Variants in SHC1 observed in about 807,000 individuals in gnomAD.
SHC1 encodes SHC adaptor protein 1, also known as SHC-transforming protein 1.
SHC1 carries 30 observed loss-of-function variants against 55.9 expected under a neutral mutation model. The observed-to-expected ratio is 0.54, with a 90% CI of 0.40 to 0.73. The LOEUF (loss-of-function observed/expected upper bound fraction) is 0.73. Ranked by LOEUF, SHC1 falls within the 30% of genes least tolerant of loss-of-function variation. SHC1 has a pLI of 0.00. For missense variants in SHC1, 675 were observed against 777.1 expected (o/e 0.87, Z 1.56); for synonymous variants, 309 against 306.1 (o/e 1.01, Z -0.10).
chr1:154,972,982 T>C (rs1296889392), upstream of SHC1, among the ~76,000 whole-genome samples: 3 of 151,944 alleles, frequency 2.0e-5, no homozygotes, highest in East Asian at 5.8e-4. Context: ...ACCGTTCTTC[T>C]GGTAGTAGAA....
rs1656228280 is a variant in SHC1, at chr1:154,968,001, T to C, written c.835A>G (p.Lys279Glu). ...DTAEYVAYVA[K>E]DPVNQRACHI... is the part of the protein sequence containing the mutation. ...TCACCTCTCTGATTCACAGGGTCTT[T>C]GGCAACATAGGCGACATACTCGGCT... The change falls in exon 6 of 12, where the codon AAA (lysine) becomes GAA (glutamate). Residue 279 changes from lysine (K) to glutamate (E), a missense_variant. Coordinates refer to ENST00000448116, the MANE Select transcript of SHC1 (RefSeq NM_001130040.2). 1.2e-6 allele frequency: 2 copies of C among 1,614,148 alleles called. No homozygotes were observed. Among genetic ancestry groups the C allele is most frequent in the Non-Finnish European group, 1.7e-6 (2 of 1,179,996 alleles).
At chr1:154,969,248 TTC>T in intron 2 of SHC1, 128 bp downstream of exon 2, 1 of 684,344 alleles carries the variant, frequency 1.5e-6, no homozygotes, top group Non-Finnish European at 2.6e-6. Context: ...TACCTCAGCT[TTC>T]TCTCAATCCC....
chr1:154,968,751 T>C lies in SHC1; in HGVS notation c.630+20A>G. 1 of 1,612,392 alleles carries C rather than the reference T, an allele frequency of 6.2e-7. No homozygotes were observed. The highest frequency in any genetic ancestry group is 8.5e-7 in the Non-Finnish European group (1 of 1,178,796). On this transcript the variant is annotated intron_variant, in intron 3 of 11. Coordinates refer to ENST00000448116, the MANE Select transcript of SHC1 (RefSeq NM_001130040.2). ...TCCACATTTCCCAGCAGCATCCCTATCCCCAAGGACCCCAAGTACCTTTCT... is the reference window on the plus strand; with the variant it reads ...TCCACATTTCCCAGCAGCATCCCTACCCCCAAGGACCCCAAGTACCTTTCT...
rs903851664 is a variant in SHC1 at position 154,963,482 on chromosome 1, C to G, written c.*321G>C. 4 of 271,454 alleles carry G rather than the reference C, an allele frequency of 1.5e-5. No individual in the cohort carries two copies. Among genetic ancestry groups the G allele is most frequent in the Non-Finnish European group, 2.9e-5 (4 of 138,496 alleles). 16.8% of individuals were successfully genotyped at this position (271,454 alleles called of 1,614,324 possible). A position where few individuals can be genotyped will look rare whatever the true frequency, so the allele number is the denominator to read the frequency against. On this transcript the variant is annotated 3_prime_UTR_variant, in exon 12 of 12. Coordinates refer to ENST00000448116, the MANE Select transcript of SHC1 (RefSeq NM_001130040.2). ...CAGAAGGGTGACTGTTCCACTGGGC[C>G]TGTCACCACAGGACATTTTCCATGA... is the stretch of plus-strand genomic sequence containing the variant.
upstream of SHC1, among the ~76,000 whole-genome samples, chr1:154,971,398 C>T (rs1377162733): frequency 1.3e-5 from 2 of 152,210 alleles, no homozygotes; most frequent in Admixed American, 1.3e-4. Context: ...AAAGTTCAAC[C>T]TGGATGATAC....
At position 154,968,185 on chromosome 1, in the gene SHC1, G is replaced by A. The variant is rs370145060; in HGVS notation, c.804+19C>T. 30 of 1,612,718 alleles carry A rather than the reference G, an allele frequency of 1.9e-5. No homozygotes were observed. Among genetic ancestry groups the A allele is most frequent in the Non-Finnish European group, 2.5e-5 (30 of 1,178,944 alleles). On this transcript the variant is annotated intron_variant, in intron 5 of 11. Transcript: ENST00000448116. ...CCCTTGCTCTTCTCCCACCGCCTTT[G>A]CTCTGTTCCCCAACTCACCGGATCC...
In SHC1 at chr1:154,968,854, C is replaced by A; in HGVS notation, c.567-20G>T. On this transcript the variant is annotated intron_variant, in intron 2 of 11. Coordinates refer to ENST00000448116, the MANE Select transcript of SHC1 (RefSeq NM_001130040.2). ...GCCTCCCTGGGGAAAGAGGGGTACTCAGACCCAGCGCCTGCCTGCCTGCCT... is the reference window on the plus strand; with the variant it reads ...GCCTCCCTGGGGAAAGAGGGGTACTAAGACCCAGCGCCTGCCTGCCTGCCT... 6.2e-7 allele frequency: 1 copy of A among 1,611,958 alleles called. No homozygotes were observed. Among genetic ancestry groups the A allele is most frequent in the Non-Finnish European group, 8.5e-7 (1 of 1,178,020 alleles).
chr1:154,965,221 G>C (rs575125807), intron 11 of SHC1: 93 of 451,630 alleles, frequency 2.1e-4, no homozygotes, highest in Non-Finnish European at 2.4e-4. Context: ...ATTTTTAGTA[G>C]AGACAGGGTT....
chr1:154,973,091 T>C (rs1047090519), upstream of SHC1, among the ~76,000 whole-genome samples: 1 of 152,022 alleles, frequency 6.6e-6, no homozygotes, highest in Non-Finnish European at 1.5e-5. Context: ...TGGGATGAGG[T>C]TGGTCCTGGG....
chr1:154,972,158 T>C (rs1656814129), upstream of SHC1, among the ~76,000 whole-genome samples: 1 of 151,062 alleles, frequency 6.6e-6, no homozygotes, highest in African/African-American at 2.4e-5. Context: ...GGCAGGAGAA[T>C]CGCTCGAACC....
chr1:154,972,258 AT>A (rs1656827762), upstream of SHC1, among the ~76,000 whole-genome samples: 4 of 151,730 alleles, frequency 2.6e-5, no homozygotes, highest in Non-Finnish European at 4.4e-5. Context: ...AAAAAAAAAA[AT>A]ACGTATTCCC....
upstream of SHC1, among the ~76,000 whole-genome samples, chr1:154,973,976 G>A (rs1657006816): frequency 6.6e-6 from 1 of 152,158 alleles, no homozygotes; most frequent in Non-Finnish European, 1.5e-5. Flanking sequence ...TTCGGAGAAT[G>A]GAAGGAGTAA....
chr1:154,966,895 G>A (rs765249362), intron 7 of SHC1, among the ~76,000 whole-genome samples: 7 of 152,206 alleles, frequency 4.6e-5, no homozygotes, highest in Non-Finnish European at 8.8e-5. Flanking sequence ...TTGAGCCTAG[G>A]AGTTCAAGAC....
Position 154,966,470 on chromosome 1 carries a change from G to C in SHC1, c.1031C>G (p.Pro344Arg). 1 of 1,610,802 alleles carries C rather than the reference G, an allele frequency of 6.2e-7. No individual in the cohort carries two copies. Among genetic ancestry groups the C allele is most frequent in the Non-Finnish European group, 8.5e-7 (1 of 1,178,206 alleles). The change falls in exon 8 of 12, where the codon CCA becomes CGA. Residue 344 changes from proline to arginine, a missense_variant. Pro to Arg is a moderately radical substitution (Grantham distance 103). Around this residue, in one of 3 missense-constraint regions of SHC1, gnomAD observed 360 missense variants for 371.1 expected, o/e 0.97. Coordinates refer to ENST00000448116, the MANE Select transcript of SHC1 (RefSeq NM_001130040.2). ...GTCATTATAGTACTGATGGTCAGGT[G>C]GCTCTTCCTCCTCCTCATCCCATGC... ...GSAWDEEEEE[P>R]PDHQYYNDFP...
chr1:154,970,533 G>A lies in SHC1; in HGVS notation c.-7C>T. 5.0e-6 allele frequency: 8 copies of A among 1,590,806 alleles called. No individual in the cohort carries two copies. The highest frequency in any genetic ancestry group is 1.1e-5 in the South Asian group (1 of 87,634). On this transcript the variant is annotated 5_prime_UTR_variant, in exon 1 of 12. Coordinates refer to ENST00000448116, the MANE Select transcript of SHC1 (RefSeq NM_001130040.2). The surrounding 1 kb of genome is among the most constrained non-coding windows in gnomAD (Gnocchi z 5.5). ...TGGGGGGCAGGAGATCCATAGTTGA[G>A]GTGAAAGAGGGGCTGCTGCCCAGCC...
At position 154,967,741 on chromosome 1, in the gene SHC1, C is replaced by T. The variant is rs1407379270; in HGVS notation, c.913G>A (p.Gly305Ser). The change falls in exon 7 of 12, where the codon GGC (glycine) becomes AGC (serine). Residue 305 changes from glycine (G) to serine (S), a missense_variant. Physicochemically the swap from Gly to Ser is moderately conservative, Grantham distance 56. Around this residue, in one of 3 missense-constraint regions of SHC1, gnomAD observed 360 missense variants for 371.1 expected, o/e 0.97. Coordinates refer to ENST00000448116, the MANE Select transcript of SHC1 (RefSeq NM_001130040.2). ...TTGAAGCGCAACTCGAAGGCCTGGC[C>T]AATGGTGCTGATGACATCCTGGGCA... The part of the protein sequence containing the change: ...GLAQDVISTI[G>S]QAFELRFKQY... 6.2e-7 allele frequency: 1 copy of T among 1,614,042 alleles called. No homozygotes were observed. The highest frequency in any genetic ancestry group is 8.5e-7 in the Non-Finnish European group (1 of 1,180,006).
At chr1:154,964,163 G>A in intron 11 of SHC1, 1 of 659,172 alleles carries the variant, frequency 1.5e-6, no homozygotes, top group Non-Finnish European at 2.9e-6. Flanking sequence ...AGCCCTGAAA[G>A]AGTGAAGCTG....
rs746647299 is a variant in SHC1 at position 154,966,416 on chromosome 1, C to A, written c.1085G>T (p.Gly362Val). Residue 362 changes from glycine to valine, a missense_variant, in exon 8 of 12, where the codon GGG (glycine) becomes GTG (valine). By Grantham distance (109) the Gly-to-Val change is moderately radical. This residue lies in a region of SHC1 where 360 missense variants were observed against 371.1 expected (regional missense o/e 0.97). Transcript: ENST00000448116. The part of the protein sequence containing the change: ...DFPGKEPPLG[G>V]VVDMRLREGA... ...TTCCCGAAGCCTCATGTCTACCACC[C>A]CCCCCAAGGGGGGTTCCTTCCCCGG... 5 of 1,613,822 alleles carry A rather than the reference C, an allele frequency of 3.1e-6. No individual in the cohort carries two copies. The highest frequency in any genetic ancestry group is 1.7e-4 in the Middle Eastern group (1 of 6,060).
At chr1:154,972,389 C>T (rs1252134713), upstream of SHC1, among the ~76,000 whole-genome samples, 1 of 152,196 alleles carries the variant, frequency 6.6e-6, no homozygotes, top group Non-Finnish European at 1.5e-5. Context: ...TTAACTCTTA[C>T]ATCTCCCCTT....
Sources: allele counts gnomAD v4.1 joint callset (sites outside exome capture counted in the v4.1 genomes callset), GRCh38; gene constraint gnomAD v4.1.1; regional missense constraint gnomAD v4.1.1; non-coding constraint Gnocchi (gnomAD v3.1); transcripts MANE v1.5; gene names NCBI Gene and HGNC (gene_info 2026-07-23, HGNC 2026-07-21).